ME1: variants seen among roughly 807,000 people sequenced by gnomAD.
The protein encoded by ME1 is NADP-dependent malic enzyme.
Under a neutral mutation model 66.4 loss-of-function variants are expected in ME1, and 74 were observed. The observed-to-expected ratio is 1.11, with a 90% confidence interval of 0.92 to 1.35. ME1 has a LOEUF of 1.35. ME1 is among the 40% of genes most tolerant of loss of function. The probability of loss-of-function intolerance (pLI) is 0.00; values close to 1 mark genes in which losing one functional copy is unlikely to be tolerated. For missense variants in ME1, 750 were observed against 694.1 expected (o/e 1.08, Z -0.90); for synonymous variants, 251 against 235.6 (o/e 1.07, Z -0.60).
At chr6:83,353,159 G>A (rs1768831660) in intron 3 of ME1, among the ~76,000 whole-genome samples, 1 of 152,032 alleles carries the variant, frequency 6.6e-6, no homozygotes, top group Admixed American at 6.6e-5. Context: ...TCTTTCTTCT[G>A]TATTCTTGGA....
chr6:83,369,490 A>G (rs1769154769), intron 3 of ME1, among the ~76,000 whole-genome samples: 1 of 152,122 alleles, frequency 6.6e-6, no homozygotes, highest in Non-Finnish European at 1.5e-5. Context: ...TAAGATGGAT[A>G]TAACACCTTC....
chr6:83,223,380 C>T (rs955510635), intron 12 of ME1, among the ~76,000 whole-genome samples: 2 of 152,210 alleles, frequency 1.3e-5, no homozygotes, highest in Non-Finnish European at 2.9e-5. Flanking sequence ...GCCTCGAACT[C>T]CTGGGCTCAA....
At chr6:83,237,278 A>AGAAAGAAAGAAAGAAG (rs1790425831) in intron 9 of ME1, among the ~76,000 whole-genome samples, 2 of 67,020 alleles carry the variant, frequency 3.0e-5, no homozygotes, top group Non-Finnish European at 6.5e-5. Context: ...AAAGAAAGAA[A>AGAAAGAAAGAAAGAAG]GGAAGGAAGG....
At chr6:83,408,818 A>G (rs1769993274) in intron 1 of ME1, among the ~76,000 whole-genome samples, 4 of 152,218 alleles carry the variant, frequency 2.6e-5, no homozygotes, top group South Asian at 4.1e-4. Flanking sequence ...ACTGAAGCCC[A>G]AGAGACTTCT....
intron 6 of ME1, among the ~76,000 whole-genome samples, chr6:83,313,729 TA>T (rs1767972305): frequency 2.0e-5 from 3 of 151,796 alleles, no homozygotes; most frequent in African/African-American, 7.3e-5. Context: ...ACTTTAAGTA[TA>T]AAAAACTATT....
chr6:83,291,570 A>G (rs1007525854), intron 6 of ME1, among the ~76,000 whole-genome samples: 1 of 149,682 alleles, frequency 6.7e-6, no homozygotes, highest in African/African-American at 2.5e-5. Flanking sequence ...CTTCATTTCA[A>G]CCTTGGTGAA....
intron 5 of ME1, among the ~76,000 whole-genome samples, chr6:83,320,836 A>C (rs1347072257): frequency 6.6e-6 from 1 of 152,220 alleles, no homozygotes; most frequent in Non-Finnish European, 1.5e-5. Context: ...GTAAATCAGA[A>C]AGTTAAAAAA....
rs1356613922 is a variant in ME1 at position 83,267,971 on chromosome 6, T to C, written c.705-14233A>G. ...AATTCAAGTGTCACATTCTTCTTTT[T>C]TTCATACTCCATTAGAGTTTATACT... On this transcript the variant is annotated intron_variant, in intron 6 of 13. Transcript: ENST00000369705. Among the ~76,000 whole-genome samples the C allele has an allele frequency of 2.6e-5, 4 of 152,302 alleles. No homozygotes were observed. In the East Asian group the frequency reaches 7.7e-4, roughly 29 times the overall value.
chr6:83,316,795 GAAATA>G (rs1768040581), intron 5 of ME1, among the ~76,000 whole-genome samples: 2 of 151,832 alleles, frequency 1.3e-5, no homozygotes, highest in African/African-American at 2.4e-5. Flanking sequence ...AGTTAAAAAT[GAAATA>G]AAATATACAA....
At chr6:83,252,685 A>G (rs1199554210) in intron 7 of ME1, among the ~76,000 whole-genome samples, 1 of 152,214 alleles carries the variant, frequency 6.6e-6, no homozygotes, top group Non-Finnish European at 1.5e-5. Flanking sequence ...GGACCTGAGT[A>G]TATACCTAAG....
rs974327565 is a variant in ME1 at position 83,210,720 on chromosome 6, ATAAT to A, written c.*1200_*1203del. On this transcript the variant is annotated 3_prime_UTR_variant, in exon 14 of 14. Coordinates refer to ENST00000369705, the MANE Select transcript of ME1 (RefSeq NM_002395.6). ...TTACTTCAAAAACAAAATTCTTCAA[ATAAT>A]TCTATAAATAAGTAGCAAATGTTAT... is the stretch of plus-strand genomic sequence containing the variant. The A allele has an allele frequency of 3.9e-5, 6 of 152,222 alleles. No homozygotes were observed. The highest frequency in any genetic ancestry group is 8.8e-5 in the Non-Finnish European group (6 of 68,036). The allele number at this position is 152,222 out of a possible 1,614,324, so 9.4% of individuals were successfully genotyped here.
chr6:83,216,279 A>G (rs1365516001), intron 13 of ME1, among the ~76,000 whole-genome samples: 1 of 152,222 alleles, frequency 6.6e-6, no homozygotes, highest in Non-Finnish European at 1.5e-5. Context: ...AACGATAGAG[A>G]GGGAAATTAA....
chr6:83,218,395 T>G (rs1790029980), intron 12 of ME1, among the ~76,000 whole-genome samples: 1 of 152,180 alleles, frequency 6.6e-6, no homozygotes, highest in South Asian at 2.1e-4. Flanking sequence ...AAGGAAAGAC[T>G]GGGGGGCATT....
At chr6:83,393,115 C>A (rs1769657235) in intron 3 of ME1, 1 of 1,429,216 alleles carries the variant, frequency 7.0e-7, no homozygotes. Context: ...GTCCCCACTG[C>A]CAACATGTCA....
At chr6:83,358,130 G>A (rs1768935479) in intron 3 of ME1, among the ~76,000 whole-genome samples, 2 of 151,156 alleles carry the variant, frequency 1.3e-5, no homozygotes, top group African/African-American at 4.9e-5. Flanking sequence ...GGGGTTTTGG[G>A]AGTTGGCTGC....
chr6:83,423,789 T>C lies in ME1; in HGVS notation c.78+7088A>G, dbSNP rs986590114. Among the ~76,000 whole-genome samples, 3 of 150,878 alleles carry C rather than the reference T, an allele frequency of 2.0e-5. No homozygotes were observed. The South Asian group carries it at 6.3e-4, about 32-fold the overall frequency. ...CTGCCTGGATGACAAAGCAAGATTC[T>C]GTCTCAAAAAAAAATGAAAAATAAA... On this transcript the variant is annotated intron_variant, in intron 1 of 13. Coordinates refer to ENST00000369705, the MANE Select transcript of ME1 (RefSeq NM_002395.6).
At position 83,212,034 on chromosome 6, in the gene ME1, CT is replaced by C. The variant is rs1418072173; in HGVS notation, c.1608del (p.Glu537LysfsTer63). ...TACATCTGGGAGCGGACAAATGCTT[CT>C]TTGTTTTGCGGTTCAGGATAAACTG... Reference protein sequence around the residue: ...TATVYPEPQNKEAFVRSQMYS... With the variant: ...TATVYPEPQNXEAFVRSQMYS... On this transcript the variant is annotated frameshift_variant, in exon 14 of 14. Coordinates refer to ENST00000369705, the MANE Select transcript of ME1 (RefSeq NM_002395.6). LOFTEE classifies it high-confidence loss of function. 2 of 1,612,776 alleles carry C rather than the reference CT, an allele frequency of 1.2e-6. No homozygotes were observed. The highest frequency in any genetic ancestry group is 2.2e-5 in the South Asian group (2 of 90,964).
chr6:83,314,362 T>A (rs1274955052), intron 6 of ME1, among the ~76,000 whole-genome samples: 1 of 152,206 alleles, frequency 6.6e-6, no homozygotes, highest in Non-Finnish European at 1.5e-5. Context: ...ATTTTTTTCA[T>A]TGCATTAATG....
chr6:83,321,004 C>A (rs1207052582), intron 5 of ME1, among the ~76,000 whole-genome samples: 3 of 152,068 alleles, frequency 2.0e-5, no homozygotes, highest in African/African-American at 7.2e-5. Flanking sequence ...CCACAGAGGG[C>A]AAGGAGAAGC....
Sources: allele counts gnomAD v4.1 joint callset (sites outside exome capture counted in the v4.1 genomes callset), GRCh38; gene constraint gnomAD v4.1.1; transcripts MANE v1.5; gene names NCBI Gene and HGNC (gene_info 2026-07-23, HGNC 2026-07-21).